L3MBTL3: variants seen among roughly 807,000 people sequenced by gnomAD.
L3MBTL3 encodes the protein lethal(3)malignant brain tumor-like protein 3.
In L3MBTL3, 27 loss-of-function variants were observed where a neutral mutation model predicts 102.3. The ratio of observed to expected loss-of-function variants is 0.26; its 90% CI spans 0.19 to 0.36. The LOEUF (loss-of-function observed/expected upper bound fraction) is 0.36, where lower values mean the gene tolerates loss of function less well. L3MBTL3 is among the 10% of genes least tolerant of loss of function. L3MBTL3 has a pLI of 1.00. For missense variants in L3MBTL3, 798 were observed against 955.3 expected (o/e 0.84, Z 2.17); for synonymous variants, 340 against 320.9 (o/e 1.06, Z -0.64).
intron 8 of L3MBTL3, 91 bp downstream of exon 8, chr6:130,055,346 A>T (rs1208167615): frequency 2.3e-6 from 2 of 871,476 alleles, no homozygotes; most frequent in African/African-American, 3.4e-5. Context: ...CACTTAAAGT[A>T]TTACTTCAGG....
intron 14 of L3MBTL3, among the ~76,000 whole-genome samples, chr6:130,080,883 T>C (rs1036394885): frequency 1.3e-5 from 2 of 152,232 alleles, no homozygotes; most frequent in East Asian, 1.9e-4. Context: ...TGCTACTCTT[T>C]GCCCCATAAC....
intron 2 of L3MBTL3, among the ~76,000 whole-genome samples, chr6:130,023,622 C>G (rs1337453390): frequency 6.6e-6 from 1 of 152,166 alleles, no homozygotes; most frequent in African/African-American, 2.4e-5. Context: ...TCCTCATCTA[C>G]AGAGCGGGAA....
intron 14 of L3MBTL3, among the ~76,000 whole-genome samples, chr6:130,080,340 C>T (rs1053612504): frequency 1.1e-4 from 17 of 151,986 alleles, no homozygotes; most frequent in Non-Finnish European, 1.9e-4. Flanking sequence ...TTCTTGTATT[C>T]TACCTTCCTT....
chr6:130,101,371 G>A (rs1784675640), intron 18 of L3MBTL3, among the ~76,000 whole-genome samples: 1 of 152,178 alleles, frequency 6.6e-6, no homozygotes, highest in South Asian at 2.1e-4. Context: ...GAGTAGAAAT[G>A]TTTAGTGAAC....
chr6:130,089,226 C>T (rs1321202234), intron 16 of L3MBTL3, among the ~76,000 whole-genome samples: 1 of 151,434 alleles, frequency 6.6e-6, no homozygotes, highest in Non-Finnish European at 1.5e-5. Flanking sequence ...TGCCCCCCAC[C>T]CCATGACAGG....
chr6:130,071,933 A>G (rs1023200949), intron 13 of L3MBTL3, among the ~76,000 whole-genome samples: 3 of 152,118 alleles, frequency 2.0e-5, no homozygotes, highest in African/African-American at 7.2e-5. Context: ...TGCATTGTTT[A>G]AAAAAGAAGA....
intron 18 of L3MBTL3, among the ~76,000 whole-genome samples, chr6:130,103,753 A>G (rs759498833): frequency 3.3e-5 from 5 of 152,230 alleles, no homozygotes; most frequent in African/African-American, 4.8e-5. Context: ...ATTTCCTTTC[A>G]GGAATGATCA....
At chr6:130,122,209 A>G (rs58501637) in intron 20 of L3MBTL3, among the ~76,000 whole-genome samples, 20 of 152,216 alleles carry the variant, frequency 1.3e-4, no homozygotes, top group African/African-American at 4.3e-4. Flanking sequence ...TTAGATTACT[A>G]TAAGATTTGA....
intron 14 of L3MBTL3, among the ~76,000 whole-genome samples, chr6:130,079,760 G>C (rs1241881137): frequency 6.6e-6 from 1 of 152,128 alleles, no homozygotes; most frequent in Non-Finnish European, 1.5e-5. Flanking sequence ...TTTGTCTCCA[G>C]TTCCTTGATA....
Position 130,083,705 on chromosome 6 carries a change from G to A in L3MBTL3, c.1407G>A (p.Val469=). The part of the protein sequence containing the change: ...SLPAPARAFK[V]KPPHGFQKKM... ...CTGCTCCTGCAAGAGCTTTCAAAGT[G>A]GTAAGATGATACATTTTATTAATTT... Residue 469 remains valine (V), a splice_region_variant and synonymous_variant, in exon 15 of 23, where the codon GTG becomes GTA. Coordinates refer to ENST00000361794, the MANE Select transcript of L3MBTL3 (RefSeq NM_032438.4). The A allele has an allele frequency of 6.8e-7, 1 of 1,477,030 alleles. No individual in the cohort carries two copies. The highest frequency in any genetic ancestry group is 9.3e-7 in the Non-Finnish European group (1 of 1,076,386). 91.5% of individuals were successfully genotyped at this position (1,477,030 alleles called of 1,614,324 possible). A position where few individuals can be genotyped will look rare whatever the true frequency, so the allele number is the denominator to read the frequency against.
intron 2 of L3MBTL3, among the ~76,000 whole-genome samples, chr6:130,037,927 C>T (rs1780163417): frequency 6.6e-6 from 1 of 151,834 alleles, no homozygotes; most frequent in African/African-American, 2.4e-5. Context: ...TTGTCTATTG[C>T]CTCCCTCCCA....
intron 8 of L3MBTL3, among the ~76,000 whole-genome samples, chr6:130,055,620 CTG>C: frequency 1.7e-5 from 2 of 114,700 alleles, no homozygotes; most frequent in African/African-American, 6.7e-5. Context: ...CCGCCTCTCC[CTG>C]TCTCCCTCCC....
At chr6:130,101,532 CT>C (rs889545827) in intron 18 of L3MBTL3, among the ~76,000 whole-genome samples, 1 of 152,166 alleles carries the variant, frequency 6.6e-6, no homozygotes, top group Admixed American at 6.5e-5. Flanking sequence ...GCCATCCGGG[CT>C]TTCCATCTTG....
chr6:130,126,355 A>G (rs1294960179), intron 20 of L3MBTL3, among the ~76,000 whole-genome samples: 1 of 152,118 alleles, frequency 6.6e-6, no homozygotes, highest in Admixed American at 6.6e-5. Flanking sequence ...TTTGTCTGGC[A>G]CTTGCCCTCC....
At chr6:130,062,415 G>T (rs942423005) in intron 10 of L3MBTL3, among the ~76,000 whole-genome samples, 1 of 150,214 alleles carries the variant, frequency 6.7e-6, no homozygotes, top group Non-Finnish European at 1.5e-5. Flanking sequence ...GACAGGGTCC[G>T]TCTCTGTAAC....
At chr6:130,030,346 A>G (rs2114547043) in intron 2 of L3MBTL3, among the ~76,000 whole-genome samples, 1 of 152,130 alleles carries the variant, frequency 6.6e-6, no homozygotes, top group South Asian at 2.1e-4. Flanking sequence ...CTAAGATTAT[A>G]CAGCTAGTAA....
chr6:130,051,356 C>A lies in L3MBTL3; in HGVS notation c.397C>A (p.Leu133Ile). ...TCAGTATGGCAACGTAGATGAGTGT[C>A]TTTCTGGAGGAAACTATTGCAGCCA... Reference protein sequence around the residue: ...CCQYGNVDECLSGGNYCSQNC... With the variant: ...CCQYGNVDECISGGNYCSQNC... Residue 133 changes from leucine to isoleucine, a missense_variant, in exon 6 of 23, where the codon CTT becomes ATT. Coordinates refer to ENST00000361794, the MANE Select transcript of L3MBTL3 (RefSeq NM_032438.4). The A allele has an allele frequency of 1.2e-6, 2 of 1,614,080 alleles. No individual in the cohort carries two copies. Among genetic ancestry groups the A allele is most frequent in the Non-Finnish European group, 1.7e-6 (2 of 1,179,932 alleles).
At chr6:130,080,405 C>T (rs975585358) in intron 14 of L3MBTL3, among the ~76,000 whole-genome samples, 3 of 152,176 alleles carry the variant, frequency 2.0e-5, no homozygotes, top group African/African-American at 4.8e-5. Context: ...ATGGTTGCTT[C>T]TTTGCCACTA....
rs147936970 is a variant in L3MBTL3 at position 130,094,064 on chromosome 6, A to G, written c.1634-201A>G. The stretch of plus-strand genomic sequence containing the variant: ...AGAAAGATAACTAGTGTGAATAGTC[A>G]TAAGGAAAAACCTTTAAACGTAGCG... On this transcript the variant is annotated intron_variant, in intron 17 of 22. Coordinates refer to ENST00000361794, the MANE Select transcript of L3MBTL3 (RefSeq NM_032438.4). Among the ~76,000 whole-genome samples, 460 of 152,364 alleles carry G rather than the reference A, an allele frequency of 3.0e-3. 3 individuals are homozygous for G. The highest frequency in any genetic ancestry group is 5.6e-3 in the Non-Finnish European group (379 of 68,036).
Sources: gnomAD v4.1 joint callset for allele counts (sites outside exome capture counted in the v4.1 genomes callset) on GRCh38, gnomAD v4.1.1 for gene constraint, MANE v1.5 for transcripts, NCBI Gene and HGNC (gene_info 2026-07-23, HGNC 2026-07-21) for gene names.